The following PLEKHA8 variants were observed in gnomAD, a reference collection of about 807,000 sequenced individuals.
The protein encoded by PLEKHA8 is pleckstrin homology domain-containing family A member 8.
In PLEKHA8, 36 loss-of-function variants were observed where a neutral mutation model predicts 68.2. The observed-to-expected ratio is 0.53, with a 90% CI of 0.40 to 0.70. The LOEUF (loss-of-function observed/expected upper bound fraction) is 0.70. PLEKHA8 is among the 30% of genes least tolerant of loss of function. The probability of loss-of-function intolerance (pLI) is 0.00; values close to 1 mark genes in which losing one functional copy is unlikely to be tolerated. For synonymous variants in PLEKHA8, 211 were observed against 216.1 expected (o/e 0.98, Z 0.20); for missense variants, 505 against 615.4 (o/e 0.82, Z 1.90).
chr7:30,129,302 C>G lies in PLEKHA8; in HGVS notation c.*31C>G, dbSNP rs548058782. On this transcript the variant is annotated 3_prime_UTR_variant, in exon 14 of 14. Transcript: ENST00000396257. Reference sequence around the variant, plus strand: ...TGGGTGTAGACGGAACTCCAGAAACCATCATGGACCATGAGGCAACTCTGA... The same window carrying G: ...TGGGTGTAGACGGAACTCCAGAAACGATCATGGACCATGAGGCAACTCTGA... 16 of 1,612,748 alleles carry G rather than the reference C, an allele frequency of 9.9e-6. No individual in the cohort carries two copies. In the South Asian group the frequency reaches 1.5e-4, roughly 15 times the overall value.
In PLEKHA8 at chr7:30,116,073, T is replaced by TGTATACATACGCATACATAC. The variant is rs1279862703; in HGVS notation, c.1363-13172_1363-13153dup. 5 of 105,560 alleles carry TGTATACATACGCATACATAC rather than the reference T, an allele frequency of 4.7e-5. 1 individual carries two copies. Among genetic ancestry groups the TGTATACATACGCATACATAC allele is most frequent in the Non-Finnish European group, 4.2e-5 (2 of 47,756 alleles). The allele number at this position is 105,560 out of a possible 1,614,324, so 6.5% of individuals were successfully genotyped here. On this transcript the variant is annotated intron_variant, in intron 13 of 13. Transcript: ENST00000396257. The stretch of plus-strand genomic sequence containing the variant: ...ATACATACGTATGCATACGTATACA[T>TGTATACATACGCATACATAC]GTATACATACGCATACATACGTATA...
At chr7:30,057,339 T>C (rs1007905542) in intron 9 of PLEKHA8, among the ~76,000 whole-genome samples, 1 of 152,202 alleles carries the variant, frequency 6.6e-6, no homozygotes, top group African/African-American at 2.4e-5. Context: ...TCCGTCCTTG[T>C]TTTCTGTATC....
Position 30,082,984 on chromosome 7 carries a change from C to T in PLEKHA8, c.*4197C>T. 1.0e-6 allele frequency: 1 copy of T among 985,336 alleles called. No homozygotes were observed. The highest frequency in any genetic ancestry group is 1.2e-6 in the Non-Finnish European group (1 of 829,882). The allele number at this position is 985,336 out of a possible 1,614,324, so 61.0% of individuals were successfully genotyped here. On this transcript the variant is annotated 3_prime_UTR_variant, in exon 14 of 14. Coordinates refer to ENST00000449726, the MANE Select transcript of PLEKHA8 (RefSeq NM_001197026.2). ...AAAACCAGTTGCTTCTGATTTTAGTCACAGGTTTTACAAGTATTCAGCTCT... is the reference window on the plus strand; with the variant it reads ...AAAACCAGTTGCTTCTGATTTTAGTTACAGGTTTTACAAGTATTCAGCTCT...
At chr7:30,040,299 T>C (rs1458794084) in intron 1 of PLEKHA8, among the ~76,000 whole-genome samples, 1 of 152,244 alleles carries the variant, frequency 6.6e-6, no homozygotes, top group Non-Finnish European at 1.5e-5. Context: ...ATTTTCTTCC[T>C]TCTCCTTCTG....
intron 3 of PLEKHA8, 139 bp from the exon 4 acceptor site, chr7:30,047,693 C>T: frequency 1.2e-6 from 1 of 842,542 alleles, no homozygotes; most frequent in Non-Finnish European, 1.7e-6. Flanking sequence ...CATTTGCAAC[C>T]CATACTTTAA....
intron 12 of PLEKHA8, among the ~76,000 whole-genome samples, chr7:30,072,873 T>C (rs560475896): frequency 6.6e-6 from 1 of 152,336 alleles, no homozygotes; most frequent in South Asian, 2.1e-4. Context: ...GCTCTGTTGC[T>C]ACTGGAGATG....
intron 13 of PLEKHA8, among the ~76,000 whole-genome samples, chr7:30,106,646 G>A (rs933576781): frequency 1.3e-5 from 2 of 152,074 alleles, no homozygotes; most frequent in Admixed American, 6.5e-5. Context: ...AATGCAGTTG[G>A]CCCTCCATAT....
intron 12 of PLEKHA8, among the ~76,000 whole-genome samples, chr7:30,066,055 TTCACCTG>T (rs1741628781): frequency 6.6e-6 from 1 of 152,216 alleles, no homozygotes; most frequent in Admixed American, 6.5e-5. Flanking sequence ...GCCTTTGAGG[TTCACCTG>T]TCACTTGTCT....
Position 30,056,785 on chromosome 7 carries a change from GTATA to G in PLEKHA8, c.1039+1451_1039+1454del, listed in dbSNP as rs1185665108. 4.1e-4 allele frequency among the ~76,000 whole-genome samples: 34 copies of G among 82,354 alleles called. 1 individual carries two copies. Among genetic ancestry groups the G allele is most frequent in the Admixed American group, 2.0e-3 (15 of 7,534 alleles). The allele number at this position is 82,354 out of a possible 152,430, so 54.0% of individuals were successfully genotyped here. A position where few individuals can be genotyped will look rare whatever the true frequency, so the allele number is the denominator to read the frequency against. On this transcript the variant is annotated intron_variant, in intron 9 of 13. Coordinates refer to ENST00000449726, the MANE Select transcript of PLEKHA8 (RefSeq NM_001197026.2). ...TGTGTGTGTGTGTGTGTGTGTGTGTGTATATATATATGTTATGTGTATATATATG... is the reference window on the plus strand; with the variant it reads ...TGTGTGTGTGTGTGTGTGTGTGTGTGTATATATGTTATGTGTATATATATG...
intron 13 of PLEKHA8, among the ~76,000 whole-genome samples, chr7:30,097,277 A>G (rs553656018): frequency 4.6e-5 from 7 of 151,978 alleles, no homozygotes; most frequent in African/African-American, 1.7e-4. Flanking sequence ...CTTCATTTCA[A>G]CTTTGGTGAA....
intron 7 of PLEKHA8, 87 bp downstream of exon 7, chr7:30,052,953 C>T (rs183343829): frequency 1.9e-4 from 217 of 1,124,940 alleles, no homozygotes; most frequent in Admixed American, 1.2e-4. Flanking sequence ...TAGGGATTAA[C>T]CTCAAGACCA....
intron 13 of PLEKHA8, among the ~76,000 whole-genome samples, chr7:30,078,211 A>T (rs991814968): frequency 6.6e-5 from 10 of 152,194 alleles, no homozygotes. Context: ...AAGACAGGCC[A>T]TGTGGGAATA....
In PLEKHA8 at chr7:30,080,742, T is replaced by G; in HGVS notation, c.*1955T>G. 1.0e-6 allele frequency: 1 copy of G among 985,324 alleles called. No individual in the cohort carries two copies. The highest frequency in any genetic ancestry group is 1.2e-6 in the Non-Finnish European group (1 of 829,892). 61.0% of individuals were successfully genotyped at this position (985,324 alleles called of 1,614,324 possible). On this transcript the variant is annotated 3_prime_UTR_variant, in exon 14 of 14. Transcript: ENST00000449726. Reference sequence around the variant, plus strand: ...TGTGTGTGTTATTTCCCTCCCACTCTCATGAGCAGTGAGTATAGATCTCCT... The same window carrying G: ...TGTGTGTGTTATTTCCCTCCCACTCGCATGAGCAGTGAGTATAGATCTCCT...
chr7:30,121,238 C>T (rs1583492112), intron 13 of PLEKHA8, among the ~76,000 whole-genome samples: 2 of 152,092 alleles, frequency 1.3e-5, no homozygotes, highest in Admixed American at 6.5e-5. Flanking sequence ...AAAGTGGCAG[C>T]TCAGGGTAGA....
chr7:30,078,785 T>G lies in PLEKHA8; in HGVS notation c.1558T>G (p.Ter520GlyextTer8). 1 of 1,613,114 alleles carries G rather than the reference T, an allele frequency of 6.2e-7. No homozygotes were observed. The highest frequency in any genetic ancestry group is 2.2e-5 in the East Asian group (1 of 44,862). ...VHGLESDEVV[*>G] ...CGGGCTGGAATCTGATGAGGTGGTA[T>G]GATGGCTGCTGGGCAGCACCTCCTA... is the stretch of plus-strand genomic sequence containing the variant. The change falls in exon 14 of 14, where the codon TGA (stop) becomes GGA (glycine). Residue 520 changes from the stop codon to glycine, a stop_lost. Coordinates refer to ENST00000449726, the MANE Select transcript of PLEKHA8 (RefSeq NM_001197026.2).
chr7:30,082,053 A>C lies in PLEKHA8; in HGVS notation c.*3266A>C. On this transcript the variant is annotated 3_prime_UTR_variant, in exon 14 of 14. Transcript: ENST00000449726. ...CTCATTGGCTCTTGATGTAGCTCTG[A>C]AGGGAGTTCCAGAAGAGGAGCTCTC... The C allele has an allele frequency of 3.1e-6, 3 of 972,126 alleles. No homozygotes were observed. The highest frequency in any genetic ancestry group is 3.7e-6 in the Non-Finnish European group (3 of 817,768). 60.2% of individuals were successfully genotyped at this position (972,126 alleles called of 1,614,324 possible). A position where few individuals can be genotyped will look rare whatever the true frequency, so the allele number is the denominator to read the frequency against.
At chr7:30,055,215 G>A in intron 8 of PLEKHA8, 42 bp from the exon 9 acceptor site, 1 of 1,554,218 alleles carries the variant, frequency 6.4e-7, no homozygotes, top group Non-Finnish European at 8.9e-7. Flanking sequence ...TGCTGATACT[G>A]TATTTTCAAT....
At chr7:30,054,892 A>T (rs771013607) in intron 8 of PLEKHA8, 27 bp downstream of exon 8, 30 of 1,558,086 alleles carry the variant, frequency 1.9e-5, no homozygotes, top group Non-Finnish European at 2.6e-5. Flanking sequence ...AATATCACTG[A>T]TGCTTGGATA....
At position 30,028,793 on chromosome 7, in the gene PLEKHA8, T is replaced by C; in HGVS notation, c.31T>C (p.Tyr11His). 1.6e-6 allele frequency: 2 copies of C among 1,272,144 alleles called. No individual in the cohort carries two copies. The highest frequency in any genetic ancestry group is 2.0e-6 in the Non-Finnish European group (2 of 1,003,170). 78.8% of individuals were successfully genotyped at this position (1,272,144 alleles called of 1,614,324 possible). Residue 11 changes from tyrosine (Y) to histidine (H), a missense_variant, in exon 1 of 14, where the codon TAT becomes CAT. Physicochemically the swap from Tyr to His is moderately conservative, Grantham distance 83. Coordinates refer to ENST00000449726, the MANE Select transcript of PLEKHA8 (RefSeq NM_001197026.2). ...GGGGGTGCTGTACAAGTGGACCAACTATCTGAGCGGTGAGTGGCCGTGCCG... is the reference window on the plus strand; with the variant it reads ...GGGGGTGCTGTACAAGTGGACCAACCATCTGAGCGGTGAGTGGCCGTGCCG... MEGVLYKWTN[Y>H]LSGWQPRWFL...
Sources: gnomAD v4.1 joint callset for allele counts (sites outside exome capture counted in the v4.1 genomes callset) on GRCh38, gnomAD v4.1.1 for gene constraint, MANE v1.5 for transcripts, NCBI Gene and HGNC (gene_info 2026-07-23, HGNC 2026-07-21) for gene names.